The following LOC400499 variants were observed in gnomAD, a reference collection of about 807,000 sequenced individuals.
chr16:11,486,470 A>T, the LOC400499 span, among the ~76,000 whole-genome samples: 75 of 122,026 alleles, frequency 6.1e-4, no homozygotes, highest in African/African-American at 1.4e-3. Context: ...TAGACAGATG[A>T]TGGGTGGGTA....
the LOC400499 span, among the ~76,000 whole-genome samples, chr16:11,418,115 G>A: frequency 6.6e-6 from 1 of 152,198 alleles, no homozygotes; most frequent in Non-Finnish European, 1.5e-5. Flanking sequence ...GATGGCTGGA[G>A]AAAGACTTTG....
chr16:11,510,760 G>A, the LOC400499 span, among the ~76,000 whole-genome samples: 2 of 151,578 alleles, frequency 1.3e-5, no homozygotes, highest in African/African-American at 2.4e-5. Context: ...GACCTGCCAA[G>A]AATCTGCAAA....
chr16:11,483,132 G>A, the LOC400499 span, among the ~76,000 whole-genome samples: 5 of 152,128 alleles, frequency 3.3e-5, no homozygotes, highest in Admixed American at 3.3e-4. Context: ...TTATTAGAAT[G>A]GCTAAAATTA....
the LOC400499 span, chr16:11,383,786 G>A: frequency 8.1e-7 from 1 of 1,232,200 alleles, no homozygotes; most frequent in East Asian, 3.2e-5. Flanking sequence ...GGGTCTACCT[G>A]AAATCAGGGA....
chr16:11,392,429 C>T, the LOC400499 span: 11 of 398,900 alleles, frequency 2.8e-5, no homozygotes, highest in East Asian at 1.8e-4. Context: ...CCTGCCATCC[C>T]GGAACAGGAC....
chr16:11,473,633 T>C, the LOC400499 span, among the ~76,000 whole-genome samples: 1 of 151,952 alleles, frequency 6.6e-6, no homozygotes, highest in Non-Finnish European at 1.5e-5. Context: ...CAGGTGCCTG[T>C]AGCCCCAGCT....
At chr16:11,452,201 G>GTTTTTTTTTT in the LOC400499 span, among the ~76,000 whole-genome samples, 25 of 77,196 alleles carry the variant, frequency 3.2e-4, no homozygotes, top group African/African-American at 9.3e-4. Flanking sequence ...CAGTTTTTTT[G>GTTTTTTTTTT]TTTGTTTTTT....
the LOC400499 span, chr16:11,477,707 T>G: frequency 2.5e-6 from 1 of 396,230 alleles, no homozygotes; most frequent in East Asian, 3.6e-5. Flanking sequence ...GCACAGGTGT[T>G]CTGCAGAATA....
chr16:11,378,407 G>A, the LOC400499 span, among the ~76,000 whole-genome samples: 1 of 152,062 alleles, frequency 6.6e-6, no homozygotes, highest in Non-Finnish European at 1.5e-5. Flanking sequence ...GGGATTACAG[G>A]CGCCTGCCAC....
At chr16:11,469,410 T>A in the LOC400499 span, 123 of 398,610 alleles carry the variant, frequency 3.1e-4, no homozygotes, top group Non-Finnish European at 4.4e-5. Context: ...CCTCAGGAGG[T>A]CACAGACAAA....
At chr16:11,383,967 C>T in the LOC400499 span, 8 of 1,231,874 alleles carry the variant, frequency 6.5e-6, no homozygotes, top group Non-Finnish European at 8.1e-6. Flanking sequence ...GGCAGGCCTG[C>T]TCCTGCTGAG....
At chr16:11,393,057 T>G in the LOC400499 span, among the ~76,000 whole-genome samples, 41 of 152,148 alleles carry the variant, frequency 2.7e-4, no homozygotes, top group Non-Finnish European at 4.7e-4. Context: ...GGTTTCACCG[T>G]GTTAGCCAGG....
At chr16:11,419,755 A>AAAAC in the LOC400499 span, among the ~76,000 whole-genome samples, 1 of 152,184 alleles carries the variant, frequency 6.6e-6, no homozygotes, top group Admixed American at 6.5e-5. Context: ...TTACAAGAAA[A>AAAAC]AAACAACCCC....
the LOC400499 span, chr16:11,485,199 G>A: frequency 1.5e-5 from 6 of 397,392 alleles, no homozygotes; most frequent in Non-Finnish European, 2.7e-5. Flanking sequence ...GCTCCCTGGT[G>A]CCCACCTGGG....
At chr16:11,486,071 G>T in the LOC400499 span, among the ~76,000 whole-genome samples, 5 of 151,640 alleles carry the variant, frequency 3.3e-5, no homozygotes, top group African/African-American at 9.7e-5. Context: ...TGTATGGATG[G>T]ATGGATGTAT....
At chr16:11,518,968 G>A in the LOC400499 span, 1 of 398,858 alleles carries the variant, frequency 2.5e-6, no homozygotes. Flanking sequence ...GGAAGTCTTG[G>A]AGCTGAAGCA....
the LOC400499 span, among the ~76,000 whole-genome samples, chr16:11,455,250 A>G: frequency 6.6e-6 from 1 of 152,208 alleles, no homozygotes; most frequent in Non-Finnish European, 1.5e-5. Flanking sequence ...AGAAAATGGA[A>G]GAGAATATGT....
the LOC400499 span, among the ~76,000 whole-genome samples, chr16:11,403,161 C>A: frequency 6.6e-6 from 1 of 152,148 alleles, no homozygotes; most frequent in African/African-American, 2.4e-5. Flanking sequence ...TGCCCGAGGC[C>A]CCTGTGCACG....
chr16:11,516,302 G>A, the LOC400499 span: 1 of 399,374 alleles, frequency 2.5e-6, no homozygotes, highest in East Asian at 3.6e-5. Flanking sequence ...ACGGCCCAGG[G>A]TGGCACTGCA....
Sources: allele counts gnomAD v4.1 joint callset (sites outside exome capture counted in the v4.1 genomes callset), GRCh38; gene constraint gnomAD v4.1.1; transcripts MANE v1.5.